OPCML: variants seen among roughly 807,000 people sequenced by gnomAD.
OPCML encodes opioid binding protein/cell adhesion molecule like.
In OPCML, 13 loss-of-function variants were observed where a neutral mutation model predicts 37.8. That is an observed-to-expected ratio of 0.34 (90% CI 0.22 to 0.55). The LOEUF is 0.55. Among genes scored for constraint, OPCML ranks in the 20% least tolerant of loss-of-function variants. The pLI is 0.91. For missense variants in OPCML, 341 were observed against 435.6 expected, an observed-to-expected ratio of 0.78 and a Z score of 1.93; for synonymous variants, 176 against 168.8, an observed-to-expected ratio of 1.04 and a Z score of -0.33.
chr11:133,042,030 C>T (rs534165191), intron 1 of OPCML, among the ~76,000 whole-genome samples: 18 of 152,266 alleles, frequency 1.2e-4, no homozygotes, highest in South Asian at 4.1e-4. Flanking sequence ...CTCAGCATGC[C>T]GTGCAGAGCT....
At chr11:132,428,160 G>T (rs1429028441) in intron 7 of OPCML, among the ~76,000 whole-genome samples, 4 of 152,224 alleles carry the variant, frequency 2.6e-5, no homozygotes, top group Middle Eastern at 3.4e-3. Context: ...CTGGGATGGG[G>T]GTCCCTAAAT....
chr11:133,312,833 T>A (rs1290602746), intron 1 of OPCML, among the ~76,000 whole-genome samples: 1 of 152,252 alleles, frequency 6.6e-6, no homozygotes, highest in African/African-American at 2.4e-5. Context: ...TTTAACTTCT[T>A]TAAGCCTCAG....
In OPCML at chr11:132,872,563, C is replaced by A. The variant is rs1591734273; in HGVS notation, c.146+70363G>T. On this transcript the variant is annotated intron_variant, in intron 2 of 7. Coordinates refer to ENST00000524381, the MANE Select transcript of OPCML (RefSeq NM_001012393.5). ...AAAGATTTCCAGTGCCTACGGAACC[C>A]ATGAGGCAGCCACCGTGCTCACTCC... 2.0e-5 allele frequency among the ~76,000 whole-genome samples: 3 copies of A among 152,188 alleles called. 1 individual carries two copies. The highest frequency in any genetic ancestry group is 3.9e-4 in the East Asian group (2 of 5,146).
At chr11:132,932,521 TTG>T (rs1358797457) in intron 2 of OPCML, among the ~76,000 whole-genome samples, 4 of 152,116 alleles carry the variant, frequency 2.6e-5, no homozygotes, top group African/African-American at 9.6e-5. Context: ...CTTTCCCATT[TTG>T]TGGGCTCTAT....
intron 1 of OPCML, among the ~76,000 whole-genome samples, chr11:133,119,936 G>A (rs1949395690): frequency 6.6e-6 from 1 of 152,156 alleles, no homozygotes; most frequent in Non-Finnish European, 1.5e-5. Context: ...GGCAGATGCA[G>A]GCTCTTCCTG....
Position 133,313,059 on chromosome 11 carries a change from G to T in OPCML, c.61+219205C>A, listed in dbSNP as rs139895785. 2.0e-4 allele frequency among the ~76,000 whole-genome samples: 31 copies of T among 152,308 alleles called. No individual in the cohort carries two copies. In the East Asian group the frequency reaches 3.9e-3, roughly 19 times the overall value. On this transcript the variant is annotated intron_variant, in intron 1 of 7. Coordinates refer to ENST00000524381, the MANE Select transcript of OPCML (RefSeq NM_001012393.5). ...TTCCGTGCATGGACAGCATAAGCCTGCACTACCGTTTATCTTTATGGTATT... is the reference window on the plus strand; with the variant it reads ...TTCCGTGCATGGACAGCATAAGCCTTCACTACCGTTTATCTTTATGGTATT...
intron 2 of OPCML, among the ~76,000 whole-genome samples, chr11:132,900,350 AG>A (rs1365413775): frequency 3.3e-5 from 5 of 152,062 alleles, no homozygotes; most frequent in African/African-American, 1.2e-4. Flanking sequence ...TCAATGATTA[AG>A]GGTCTTTCAA....
At chr11:133,260,265 G>T (rs1941450426) in intron 1 of OPCML, among the ~76,000 whole-genome samples, 1 of 151,932 alleles carries the variant, frequency 6.6e-6, no homozygotes, top group Non-Finnish European at 1.5e-5. Context: ...GATCCAGTAG[G>T]GCTCTGGAGG....
chr11:133,191,209 T>C (rs977138924), intron 1 of OPCML, among the ~76,000 whole-genome samples: 4 of 152,186 alleles, frequency 2.6e-5, no homozygotes, highest in Non-Finnish European at 1.5e-5. Context: ...TTGGTATTTA[T>C]TTCCCTAATG....
At chr11:132,944,318 G>C (rs1243830405) in intron 1 of OPCML, among the ~76,000 whole-genome samples, 2 of 152,160 alleles carry the variant, frequency 1.3e-5, no homozygotes, top group Admixed American at 1.3e-4. Context: ...CCCCGCCCTG[G>C]AGAGCTGAAC....
chr11:133,142,606 G>A lies in OPCML; in HGVS notation c.62-199596C>T, dbSNP rs147047160. On this transcript the variant is annotated intron_variant, in intron 1 of 7. Transcript: ENST00000524381. ...ACTGGGCTTTCATTTTACTCACATGGGTAGTCCTGGCAGTACATAGCACAC... is the reference window on the plus strand; with the variant it reads ...ACTGGGCTTTCATTTTACTCACATGAGTAGTCCTGGCAGTACATAGCACAC... Among the ~76,000 whole-genome samples, 20 of 152,192 alleles carry A rather than the reference G, an allele frequency of 1.3e-4. No homozygotes were observed. In the East Asian group the frequency reaches 3.5e-3, roughly 27 times the overall value.
chr11:132,492,985 C>T (rs2137078123), intron 4 of OPCML, among the ~76,000 whole-genome samples: 1 of 152,278 alleles, frequency 6.6e-6, no homozygotes, highest in Non-Finnish European at 1.5e-5. Flanking sequence ...ATAGTAGTTT[C>T]ACAATAAATA....
At chr11:132,580,103 T>G (rs959330886) in intron 3 of OPCML, among the ~76,000 whole-genome samples, 18 of 152,072 alleles carry the variant, frequency 1.2e-4, no homozygotes, top group African/African-American at 4.3e-4. Context: ...AGCAAACAAG[T>G]TTTTATTTGG....
At chr11:133,375,598 A>G (rs1944784960) in intron 1 of OPCML, among the ~76,000 whole-genome samples, 1 of 152,152 alleles carries the variant, frequency 6.6e-6, no homozygotes, top group African/African-American at 2.4e-5. Flanking sequence ...TAGCCTGGCT[A>G]GGGGCACTGA....
intron 4 of OPCML, among the ~76,000 whole-genome samples, chr11:132,444,567 C>T (rs565525230): frequency 6.6e-6 from 1 of 152,296 alleles, no homozygotes; most frequent in South Asian, 2.1e-4. Context: ...TTCCTTAACT[C>T]ATTACAGCAG....
chr11:132,956,856 C>G (rs1945986385), intron 1 of OPCML, among the ~76,000 whole-genome samples: 1 of 152,154 alleles, frequency 6.6e-6, no homozygotes, highest in Admixed American at 6.5e-5. Flanking sequence ...CAAGGCCAGG[C>G]ATGGTGGCTC....
At chr11:132,540,474 G>T (rs2096353503) in intron 3 of OPCML, among the ~76,000 whole-genome samples, 1 of 152,170 alleles carries the variant, frequency 6.6e-6, no homozygotes, top group Non-Finnish European at 1.5e-5. Context: ...TAGGTGAGTT[G>T]TGTGAAGTCA....
intron 2 of OPCML, among the ~76,000 whole-genome samples, chr11:132,799,079 C>A (rs1459445883): frequency 1.3e-5 from 2 of 152,154 alleles, no homozygotes; most frequent in Non-Finnish European, 1.5e-5. Flanking sequence ...AACTTGTGGT[C>A]ACCAGCTGCA....
intron 4 of OPCML, among the ~76,000 whole-genome samples, chr11:132,440,409 A>G (rs2096028535): frequency 6.6e-6 from 1 of 151,870 alleles, no homozygotes; most frequent in African/African-American, 2.4e-5. Context: ...TTTCTGACAC[A>G]TGCCCAGGGG....
Sources: allele counts gnomAD v4.1 joint callset (sites outside exome capture counted in the v4.1 genomes callset), GRCh38; gene constraint gnomAD v4.1.1; transcripts MANE v1.5; gene names NCBI Gene and HGNC (gene_info 2026-07-23, HGNC 2026-07-21).